CFAP97: variants seen among roughly 807,000 people sequenced by gnomAD.
CFAP97 encodes the protein cilia- and flagella-associated protein 97.
Under a neutral mutation model 43.1 loss-of-function variants are expected in CFAP97, and 36 were observed. That is an observed-to-expected ratio of 0.84 (90% CI 0.64 to 1.10). CFAP97 has a LOEUF of 1.10. CFAP97 is among the 50% of genes least tolerant of loss of function. CFAP97 has a pLI of 0.00. For missense variants in CFAP97, 657 were observed against 620.3 expected (o/e 1.06, Z -0.63); for synonymous variants, 228 against 225.7 (o/e 1.01, Z -0.09).
intron 2 of CFAP97, among the ~76,000 whole-genome samples, chr4:185,187,260 G>A (rs1251168505): frequency 1.3e-5 from 2 of 152,166 alleles, no homozygotes; most frequent in Non-Finnish European, 2.9e-5. Context: ...TATGAAATAT[G>A]TTTCCTAACC....
intron 1 of CFAP97, among the ~76,000 whole-genome samples, chr4:185,202,260 AGGCTCATGTGCGGT>A (rs1167412803): frequency 2.0e-5 from 3 of 152,156 alleles, no homozygotes; most frequent in African/African-American, 7.2e-5. Context: ...CTGGGCATGG[AGGCTCATGTGCGGT>A]GGCTCATGTT....
At chr4:185,194,324 A>G (rs768926909) in intron 1 of CFAP97, among the ~76,000 whole-genome samples, 3 of 152,172 alleles carry the variant, frequency 2.0e-5, no homozygotes, top group Non-Finnish European at 2.9e-5. Context: ...CTCCTTCTCT[A>G]CTAAAAATAC....
At position 185,164,036 on chromosome 4, in the gene CFAP97, G is replaced by C. The variant is rs747779121; in HGVS notation, c.1464C>G (p.Ser488Arg). The change falls in exon 4 of 5, where the codon AGC (serine) becomes AGG (arginine). Residue 488 changes from serine (S) to arginine (R), a missense_variant. Ser to Arg is a moderately radical substitution (Grantham distance 110). Transcript: ENST00000458385. ...RRARSTLGQYSPLRASRTSSA... is the reference protein window; with the variant it reads ...RRARSTLGQYRPLRASRTSSA... ...AATTTCCAAAATGCTTACTTAATGG[G>C]CTATATTGGCCAAGAGTGGATCTGG... The C allele has an allele frequency of 1.2e-6, 2 of 1,612,710 alleles. No individual in the cohort carries two copies. Among genetic ancestry groups the C allele is most frequent in the South Asian group, 2.2e-5 (2 of 90,716 alleles).
chr4:185,196,795 A>G (rs1343423943), intron 1 of CFAP97, among the ~76,000 whole-genome samples: 2 of 152,156 alleles, frequency 1.3e-5, no homozygotes, highest in Non-Finnish European at 2.9e-5. Flanking sequence ...ATCAGGAACC[A>G]GAGTTGAAGA....
At chr4:185,197,869 C>A (rs1266162893) in intron 1 of CFAP97, among the ~76,000 whole-genome samples, 2 of 152,142 alleles carry the variant, frequency 1.3e-5, no homozygotes, top group South Asian at 2.1e-4. Flanking sequence ...AGGCCTCTTG[C>A]ACCAGTTAGC....
intron 3 of CFAP97, among the ~76,000 whole-genome samples, chr4:185,172,311 A>C (rs532403882): frequency 9.2e-5 from 14 of 152,338 alleles, no homozygotes; most frequent in Admixed American, 8.5e-4. Flanking sequence ...CTACCTATTG[A>C]AACAAATAAT....
chr4:185,175,981 T>C lies in CFAP97; in HGVS notation c.1125A>G (p.Lys375=). 2 of 1,613,906 alleles carry C rather than the reference T, an allele frequency of 1.2e-6. No homozygotes were observed. Among genetic ancestry groups the C allele is most frequent in the Non-Finnish European group, 1.7e-6 (2 of 1,179,868 alleles). The change falls in exon 3 of 5, where the codon AAA becomes AAG. Residue 375 remains lysine, a synonymous_variant. Coordinates refer to ENST00000458385, the MANE Select transcript of CFAP97 (RefSeq NM_020827.3). ...HFDQPSVAPG[K]NYSFTREEVR... ...CCTCTTCTCTTGTGAAAGAGTAGTT[T>C]TTCCCGGGTGCTACTGAAGGCTGAT...
At chr4:185,209,808 TAGCGGCCCAGGA>T (rs1437312358), upstream of CFAP97, 1 of 983,016 alleles carries the variant, frequency 1.0e-6, no homozygotes, top group Non-Finnish European at 1.2e-6. This position sits in a 1 kb window ranked among gnomAD's most constrained non-coding sequence, Gnocchi z 5.2. Context: ...TGCCTGTCCT[TAGCGGCCCAGGA>T]AGCAGCATGC....
Position 185,197,178 on chromosome 4 carries a change from G to GA in CFAP97, c.-16-5967dup, listed in dbSNP as rs544470163. ...AATAAACATTTTCTTGAAATTTGAA[G>GA]AAACTGAAATCACAAAATTATTTAG... On this transcript the variant is annotated intron_variant, in intron 1 of 4. Coordinates refer to ENST00000458385, the MANE Select transcript of CFAP97 (RefSeq NM_020827.3). Among the ~76,000 whole-genome samples, 11 of 140,588 alleles carry GA rather than the reference G, an allele frequency of 7.8e-5. No homozygotes were observed. The East Asian group carries it at 2.3e-3, about 29-fold the overall frequency. The allele number at this position is 140,588 out of a possible 152,430, so 92.2% of individuals were successfully genotyped here.
At chr4:185,166,734 G>A (rs1322008922) in intron 3 of CFAP97, among the ~76,000 whole-genome samples, 1 of 152,154 alleles carries the variant, frequency 6.6e-6, no homozygotes, top group East Asian at 1.9e-4. Context: ...CAAATCACAT[G>A]GAACAACACC....
In CFAP97 at chr4:185,162,938, A is replaced by G; in HGVS notation, c.1472-13T>C. The G allele has an allele frequency of 1.3e-6, 2 of 1,534,108 alleles. No homozygotes were observed. Among genetic ancestry groups the G allele is most frequent in the Non-Finnish European group, 1.7e-6 (2 of 1,147,948 alleles). ...GTCCTGGAAGCTCCTGAAAATATAA[A>G]AAGAAGAAATATCTGAGAAACTTCT... On this transcript the variant is annotated splice_polypyrimidine_tract_variant and intron_variant, in intron 4 of 4. Transcript: ENST00000458385.
chr4:185,169,164 C>T lies in CFAP97; in HGVS notation c.1321-4985G>A, dbSNP rs944806290. On this transcript the variant is annotated intron_variant, in intron 3 of 4. Transcript: ENST00000458385. ...TAAGTTCTGGAGATCTAATGTACAG[C>T]ATGTTGACTATAGTTAACAATACTG... The T allele has an allele frequency of 5.3e-5, 8 of 152,304 alleles. No individual in the cohort carries two copies. The East Asian group carries it at 9.6e-4, about 18-fold the overall frequency. 9.4% of individuals were successfully genotyped at this position (152,304 alleles called of 1,614,324 possible). A position where few individuals can be genotyped will look rare whatever the true frequency, so the allele number is the denominator to read the frequency against.
At chr4:185,193,448 T>C in intron 1 of CFAP97, among the ~76,000 whole-genome samples, 1 of 151,968 alleles carries the variant, frequency 6.6e-6, no homozygotes, top group South Asian at 2.1e-4. Context: ...AGTTCGAGAC[T>C]ACTCTGGCCA....
intron 2 of CFAP97, 80 bp from the exon 3 acceptor site, chr4:185,176,131 A>C: frequency 2.6e-6 from 2 of 774,990 alleles, no homozygotes; most frequent in East Asian, 3.5e-5. Flanking sequence ...TTCTCTTTTT[A>C]GACGGAGTTT....
chr4:185,206,038 C>T (rs1372900508), upstream of CFAP97, among the ~76,000 whole-genome samples: 2 of 152,140 alleles, frequency 1.3e-5, no homozygotes, highest in African/African-American at 4.8e-5. Context: ...GTGGAAAGAT[C>T]GAAACCCTTA....
At chr4:185,189,578 A>G (rs921967998) in intron 2 of CFAP97, among the ~76,000 whole-genome samples, 1 of 152,242 alleles carries the variant, frequency 6.6e-6, no homozygotes, top group African/African-American at 2.4e-5. Flanking sequence ...CAAAGCAAAA[A>G]GACTACTCTA....
At chr4:185,182,783 T>C (rs559013852) in intron 2 of CFAP97, among the ~76,000 whole-genome samples, 1 of 152,326 alleles carries the variant, frequency 6.6e-6, no homozygotes, top group East Asian at 1.9e-4. Context: ...CTTAATATTT[T>C]ATAGTTCAAA....
At chr4:185,182,870 C>A (rs560959688) in intron 2 of CFAP97, among the ~76,000 whole-genome samples, 1 of 152,084 alleles carries the variant, frequency 6.6e-6, no homozygotes, top group Non-Finnish European at 1.5e-5. Flanking sequence ...GAGGCTGACA[C>A]GGGCGGATCA....
chr4:185,188,609 G>A (rs1251936444), intron 2 of CFAP97, among the ~76,000 whole-genome samples: 2 of 152,172 alleles, frequency 1.3e-5, no homozygotes, highest in Non-Finnish European at 2.9e-5. Context: ...CTCCAAAGGT[G>A]CTAGGATTAC....
Sources: allele counts gnomAD v4.1 joint callset (sites outside exome capture counted in the v4.1 genomes callset), GRCh38; gene constraint gnomAD v4.1.1; non-coding constraint Gnocchi (gnomAD v3.1); transcripts MANE v1.5; gene names NCBI Gene and HGNC (gene_info 2026-07-23, HGNC 2026-07-21).